The following ZNF385D variants were observed in gnomAD, a reference collection of about 807,000 sequenced individuals.
ZNF385D encodes zinc finger protein 659.
ZNF385D carries 15 observed loss-of-function variants against 35.8 expected under a neutral mutation model. That is an observed-to-expected ratio of 0.42 (90% CI 0.28 to 0.64). The LOEUF (loss-of-function observed/expected upper bound fraction) is 0.64, where lower values mean the gene tolerates loss of function less well. ZNF385D is among the 30% of genes least tolerant of loss of function. The pLI, the probability that ZNF385D is intolerant of heterozygous loss-of-function variation, is 0.23. For synonymous variants in ZNF385D, 212 were observed against 186.8 expected (o/e 1.13, Z -1.10); for missense variants, 474 against 494.6 (o/e 0.96, Z 0.39).
intron 2 of ZNF385D, among the ~76,000 whole-genome samples, chr3:22,225,673 A>T (rs1174065293): frequency 6.6e-6 from 1 of 152,020 alleles, no homozygotes; most frequent in Non-Finnish European, 1.5e-5. Flanking sequence ...TCACTTTCCC[A>T]TTTCTTTACT....
chr3:21,709,098 A>G (rs1428985841), intron 1 of ZNF385D, among the ~76,000 whole-genome samples: 2 of 152,200 alleles, frequency 1.3e-5, no homozygotes, highest in Admixed American at 1.3e-4. Flanking sequence ...TCTTAAAATA[A>G]AATGCACAAA....
At chr3:21,869,738 C>T (rs1697584139) in intron 3 of ZNF385D, among the ~76,000 whole-genome samples, 1 of 152,046 alleles carries the variant, frequency 6.6e-6, no homozygotes, top group African/African-American at 2.4e-5. Flanking sequence ...GTTAATGCCA[C>T]CTATTTGGAG....
intron 3 of ZNF385D, among the ~76,000 whole-genome samples, chr3:22,056,793 T>C (rs1227526578): frequency 3.3e-5 from 5 of 152,330 alleles, no homozygotes; most frequent in African/African-American, 9.6e-5. Flanking sequence ...TGATCTCAGA[T>C]TGTTTGGCTG....
At chr3:21,947,198 A>AT (rs1395085986) in intron 3 of ZNF385D, among the ~76,000 whole-genome samples, 1 of 152,214 alleles carries the variant, frequency 6.6e-6, no homozygotes, top group Non-Finnish European at 1.5e-5. Flanking sequence ...AACTCCACAC[A>AT]CAGCATCAAA....
intron 2 of ZNF385D, among the ~76,000 whole-genome samples, chr3:22,184,758 G>A (rs1329690928): frequency 6.6e-6 from 1 of 152,082 alleles, no homozygotes; most frequent in Admixed American, 6.6e-5. Context: ...ACTGGGAGGA[G>A]GAGGTTGCAC....
intron 2 of ZNF385D, among the ~76,000 whole-genome samples, chr3:22,174,342 T>C (rs1050472802): frequency 2.0e-5 from 3 of 152,094 alleles, no homozygotes; most frequent in Non-Finnish European, 4.4e-5. Flanking sequence ...CTCTAAAATC[T>C]CCAAGAATCT....
chr3:22,018,814 C>CA (rs1172091197), intron 3 of ZNF385D, among the ~76,000 whole-genome samples: 1 of 151,842 alleles, frequency 6.6e-6, no homozygotes, highest in African/African-American at 2.4e-5. Context: ...TGTGCTTTAG[C>CA]AGATTGATCC....
intron 3 of ZNF385D, among the ~76,000 whole-genome samples, chr3:21,986,741 T>A (rs1694825705): frequency 8.3e-6 from 1 of 121,088 alleles, no homozygotes; most frequent in Non-Finnish European, 1.6e-5. Context: ...TTCTGTCTCG[T>A]TGATCTGTCT....
intron 3 of ZNF385D, among the ~76,000 whole-genome samples, chr3:22,045,227 T>A (rs13433906): frequency 1.3e-5 from 2 of 152,036 alleles, no homozygotes; most frequent in Admixed American, 6.6e-5. Flanking sequence ...TAGATCCAGG[T>A]CTTATATTTA....
chr3:22,363,884 C>T (rs1447842216), intron 2 of ZNF385D, among the ~76,000 whole-genome samples: 1 of 152,058 alleles, frequency 6.6e-6, no homozygotes, highest in Non-Finnish European at 1.5e-5. Context: ...AGTCAACACT[C>T]CTAGGTAACC....
At chr3:22,078,962 G>A (rs1700605039) in intron 3 of ZNF385D, among the ~76,000 whole-genome samples, 2 of 151,926 alleles carry the variant, frequency 1.3e-5, no homozygotes, top group Admixed American at 6.6e-5. Flanking sequence ...TATTTCAAGT[G>A]TGTTAAGATT....
chr3:21,596,658 G>T (rs1425066799), intron 2 of ZNF385D, among the ~76,000 whole-genome samples: 444 of 118,592 alleles, frequency 3.7e-3, no homozygotes, highest in African/African-American at 0.012. Context: ...TTTTTTTTTT[G>T]GTACAGTTGG....
intron 3 of ZNF385D, among the ~76,000 whole-genome samples, chr3:21,928,776 A>T (rs930290549): frequency 2.6e-5 from 4 of 152,222 alleles, no homozygotes; most frequent in African/African-American, 9.6e-5. Flanking sequence ...AATTTCTGAA[A>T]GTAACCCAAG....
At chr3:21,917,298 G>A (rs532708617) in intron 3 of ZNF385D, among the ~76,000 whole-genome samples, 6 of 152,222 alleles carry the variant, frequency 3.9e-5, no homozygotes, top group African/African-American at 1.4e-4. Flanking sequence ...TGGATGTGGT[G>A]CGGCACTCCT....
intron 2 of ZNF385D, among the ~76,000 whole-genome samples, chr3:22,213,211 G>C (rs1697638715): frequency 6.6e-6 from 1 of 152,054 alleles, no homozygotes; most frequent in South Asian, 2.1e-4. Context: ...AGGGGGATTT[G>C]ACAAATGCTT....
intron 1 of ZNF385D, among the ~76,000 whole-genome samples, chr3:21,741,198 T>C (rs1358573768): frequency 6.6e-6 from 1 of 152,190 alleles, no homozygotes; most frequent in African/African-American, 2.4e-5. Flanking sequence ...AGCTCATGCC[T>C]TAAGCTTCTC....
chr3:21,965,632 G>C (rs966553248), intron 3 of ZNF385D, among the ~76,000 whole-genome samples: 1 of 152,126 alleles, frequency 6.6e-6, no homozygotes, highest in Non-Finnish European at 1.5e-5. Context: ...CTGGACATGG[G>C]AGAAATAACT....
At chr3:21,863,877 G>A (rs574593627) in intron 3 of ZNF385D, among the ~76,000 whole-genome samples, 1 of 152,100 alleles carries the variant, frequency 6.6e-6, no homozygotes, top group Non-Finnish European at 1.5e-5. Context: ...TGAACATAAT[G>A]AGTTTTTCAA....
chr3:21,431,770 G>A (rs1701303463), intron 5 of ZNF385D, among the ~76,000 whole-genome samples: 1 of 152,144 alleles, frequency 6.6e-6, no homozygotes, highest in Admixed American at 6.5e-5. Flanking sequence ...CATTACCCTA[G>A]AAGATGTTGA....
Sources: gnomAD v4.1 joint callset for allele counts (sites outside exome capture counted in the v4.1 genomes callset) on GRCh38, gnomAD v4.1.1 for gene constraint, MANE v1.5 for transcripts, NCBI Gene and HGNC (gene_info 2026-07-23, HGNC 2026-07-21) for gene names.